ANTXRL: variants seen among roughly 807,000 people sequenced by gnomAD.
ANTXRL encodes ANTXR like.
ANTXRL carries 63 observed loss-of-function variants against 75.4 expected under a neutral mutation model. The observed-to-expected ratio is 0.84, with a 90% CI of 0.68 to 1.03. The LOEUF (loss-of-function observed/expected upper bound fraction) is 1.03. Ranked by LOEUF, ANTXRL falls within the 50% of genes least tolerant of loss-of-function variation. The pLI, the probability that ANTXRL is intolerant of heterozygous loss-of-function variation, is 0.00. For missense variants in ANTXRL, 797 were observed against 789.4 expected, an observed-to-expected ratio of 1.01 and a Z score of -0.12; for synonymous variants, 335 against 291.3, an observed-to-expected ratio of 1.15 and a Z score of -1.53.
At chr10:46,293,299 TG>T (rs782655798) in intron 2 of ANTXRL, among the ~76,000 whole-genome samples, 27 of 40,442 alleles carry the variant, frequency 6.7e-4, no homozygotes, top group Non-Finnish European at 1.7e-3. Flanking sequence ...CGTGTGTGCC[TG>T]TGTGTGTGTG....
At chr10:46,300,441 G>A (rs1300903514) in intron 9 of ANTXRL, among the ~76,000 whole-genome samples, 1 of 152,130 alleles carries the variant, frequency 6.6e-6, no homozygotes, top group African/African-American at 2.4e-5. Context: ...AGAGGCCTCT[G>A]GTGGCCTCAC....
intron 16 of ANTXRL, among the ~76,000 whole-genome samples, chr10:46,313,617 G>A (rs527598865): frequency 2.0e-5 from 3 of 152,154 alleles, no homozygotes; most frequent in Admixed American, 6.5e-5. Context: ...CATTGCCTTG[G>A]GACCATAGGG....
At chr10:46,286,095 C>T (rs2132621710), upstream of ANTXRL, among the ~76,000 whole-genome samples, 1 of 152,268 alleles carries the variant, frequency 6.6e-6, no homozygotes, top group African/African-American at 2.4e-5. Flanking sequence ...AAGCGTTGGT[C>T]ATACAGCAGT....
At chr10:46,313,160 G>A in intron 15 of ANTXRL, 76 bp from the exon 16 acceptor site, 27 of 1,282,282 alleles carry the variant, frequency 2.1e-5, no homozygotes, top group South Asian at 2.0e-4. Flanking sequence ...GAGCTGTGGG[G>A]GGCTGGGGAG....
chr10:46,295,463 GGTTAGA>G lies in ANTXRL; in HGVS notation c.393-514_393-509del, dbSNP rs74312662. On this transcript the variant is annotated intron_variant, in intron 3 of 16. Coordinates refer to ENST00000620264, the MANE Select transcript of ANTXRL (RefSeq NM_001278688.3). ...GGTTCAGGGTTAAGGTTAGGGTTTG[GGTTAGA>G]GTTAGAGTTAGAGTTAGAGTTAGAG... Among the ~76,000 whole-genome samples, 451 of 90,314 alleles carry G rather than the reference GGTTAGA, an allele frequency of 5.0e-3. 6 individuals are homozygous for G. The highest frequency in any genetic ancestry group is 0.05 in the East Asian group (157 of 3,154). 59.2% of individuals were successfully genotyped at this position (90,314 alleles called of 152,430 possible). A position where few individuals can be genotyped will look rare whatever the true frequency, so the allele number is the denominator to read the frequency against.
At chr10:46,322,696 G>C (rs1453250794) in intron 16 of ANTXRL, among the ~76,000 whole-genome samples, 1 of 152,144 alleles carries the variant, frequency 6.6e-6, no homozygotes, top group Non-Finnish European at 1.5e-5. Flanking sequence ...GGGCCAGGCA[G>C]CCATCTGAGC....
intron 16 of ANTXRL, among the ~76,000 whole-genome samples, chr10:46,314,426 C>T (rs1250135076): frequency 6.6e-6 from 1 of 152,150 alleles, no homozygotes; most frequent in East Asian, 1.9e-4. Context: ...CAGCCTTATG[C>T]ACTGAACAGG....
In ANTXRL at chr10:46,293,885, C is replaced by T; in HGVS notation, c.377C>T (p.Pro126Leu). The T allele has an allele frequency of 1.3e-6, 2 of 1,535,706 alleles. No homozygotes were observed. Among genetic ancestry groups the T allele is most frequent in the Non-Finnish European group, 1.7e-6 (2 of 1,146,646 alleles). Residue 126 changes from proline (P) to leucine (L), a missense_variant, in exon 3 of 17, where the codon CCA becomes CTA. This residue lies in a region of ANTXRL where 262 missense variants were observed against 271.9 expected (regional missense o/e 0.96). Coordinates refer to ENST00000620264, the MANE Select transcript of ANTXRL (RefSeq NM_001278688.3). ...TYSTDGQTVLPLTSDKNRIKN... is the reference protein window; with the variant it reads ...TYSTDGQTVLLLTSDKNRIKN... ...TCCACAGACGGCCAGACTGTCTTGC[C>T]ACTCACCTCAGACAAGTGAGTGCTG... is the stretch of plus-strand genomic sequence containing the variant.
intron 9 of ANTXRL, among the ~76,000 whole-genome samples, chr10:46,301,324 G>T (rs549234540): frequency 6.6e-5 from 10 of 152,224 alleles, no homozygotes; most frequent in African/African-American, 9.7e-5. Flanking sequence ...GCCCTGAGGG[G>T]CCCATGTCTA....
At chr10:46,314,268 C>T (rs1290866686) in intron 16 of ANTXRL, among the ~76,000 whole-genome samples, 3 of 152,086 alleles carry the variant, frequency 2.0e-5, no homozygotes, top group African/African-American at 7.2e-5. Context: ...GCATGCAGGG[C>T]TCCTCCAGCC....
chr10:46,290,497 T>C (rs1186611831), intron 1 of ANTXRL, among the ~76,000 whole-genome samples: 3 of 152,194 alleles, frequency 2.0e-5, no homozygotes, highest in African/African-American at 7.2e-5. Context: ...TGATGGATCC[T>C]ATGGTGATCC....
Position 46,306,790 on chromosome 10 carries a change from C to G in ANTXRL, c.896-13C>G. The G allele has an allele frequency of 1.3e-6, 2 of 1,521,372 alleles. No homozygotes were observed. Among genetic ancestry groups the G allele is most frequent in the Non-Finnish European group, 8.8e-7 (1 of 1,139,640 alleles). 94.2% of individuals were successfully genotyped at this position (1,521,372 alleles called of 1,614,324 possible). ...AGGTGCACTGACATTCTTCTCATGT[C>G]ATTTTCTTTTAGATGAAAAGCCAAC... On this transcript the variant is annotated splice_polypyrimidine_tract_variant and intron_variant, in intron 10 of 16. Coordinates refer to ENST00000620264, the MANE Select transcript of ANTXRL (RefSeq NM_001278688.3).
Position 46,309,211 on chromosome 10 carries a change from T to C in ANTXRL, c.1134+9T>C. Reference sequence around the variant, plus strand: ...GGCTGTGCCGCAAGCAGGCAAGTGCTCCCTGCCCGCCCAGCTCTGGGGCCC... The same window carrying C: ...GGCTGTGCCGCAAGCAGGCAAGTGCCCCCTGCCCGCCCAGCTCTGGGGCCC... On this transcript the variant is annotated intron_variant, in intron 13 of 16. Coordinates refer to ENST00000620264, the MANE Select transcript of ANTXRL (RefSeq NM_001278688.3). The C allele has an allele frequency of 2.0e-6, 3 of 1,535,600 alleles. No homozygotes were observed. The highest frequency in any genetic ancestry group is 2.6e-6 in the Non-Finnish European group (3 of 1,146,690).
In ANTXRL at chr10:46,323,411, A is replaced by G. The variant is rs542723070; in HGVS notation, c.1411-6188A>G. The stretch of plus-strand genomic sequence containing the variant: ...ACCAGAGTCAGGAAGAGTTAATACA[A>G]TAGCAGCGTTAAGTAGGTTGCAGCA... On this transcript the variant is annotated intron_variant, in intron 16 of 16. Transcript: ENST00000620264. Among the ~76,000 whole-genome samples the G allele has an allele frequency of 5.3e-5, 8 of 152,306 alleles. No individual in the cohort carries two copies. The East Asian group carries it at 1.5e-3, about 29-fold the overall frequency.
At chr10:46,299,826 C>T (rs1328454288) in intron 9 of ANTXRL, among the ~76,000 whole-genome samples, 1 of 152,156 alleles carries the variant, frequency 6.6e-6, no homozygotes, top group Non-Finnish European at 1.5e-5. Context: ...TGGGAGCTGG[C>T]AGGTCCCTGA....
chr10:46,301,786 GA>G (rs1332840228), intron 9 of ANTXRL, among the ~76,000 whole-genome samples: 6 of 152,240 alleles, frequency 3.9e-5, no homozygotes, highest in African/African-American at 1.4e-4. Context: ...AGAAAGGCAG[GA>G]AGCAGGGTTC....
intron 1 of ANTXRL, among the ~76,000 whole-genome samples, chr10:46,289,707 C>T (rs553799661): frequency 7.9e-5 from 12 of 152,186 alleles, no homozygotes; most frequent in Non-Finnish European, 1.5e-5. Context: ...CCATCCTGGG[C>T]GACAGAGTGA....
chr10:46,287,817 G>C (rs1426634879), intron 1 of ANTXRL, among the ~76,000 whole-genome samples: 1 of 152,158 alleles, frequency 6.6e-6, no homozygotes, highest in Non-Finnish European at 1.5e-5. Context: ...ATGATTGCTC[G>C]GACCTGCCTC....
At chr10:46,308,757 G>C (rs368694273) in intron 12 of ANTXRL, 23 of 360,598 alleles carry the variant, frequency 6.4e-5, no homozygotes, top group African/African-American at 4.8e-4. Flanking sequence ...ATGGACCCGG[G>C]TCTCCTGCCC....
Sources: allele counts gnomAD v4.1 joint callset (sites outside exome capture counted in the v4.1 genomes callset), GRCh38; gene constraint gnomAD v4.1.1; regional missense constraint gnomAD v4.1.1; transcripts MANE v1.5; gene names NCBI Gene and HGNC (gene_info 2026-07-23, HGNC 2026-07-21).